The following HSF2BP variants were observed in gnomAD, a reference collection of about 807,000 sequenced individuals.
HSF2BP encodes the protein heat shock factor 2-binding protein.
Under a neutral mutation model 35.0 loss-of-function variants are expected in HSF2BP, and 35 were observed. The ratio of observed to expected loss-of-function variants is 1.00; its 90% CI spans 0.76 to 1.32. The LOEUF (loss-of-function observed/expected upper bound fraction) is 1.32. Ranked by LOEUF, HSF2BP falls within the 40% of genes most tolerant of loss-of-function variation. The probability of loss-of-function intolerance (pLI) is 0.00; values close to 1 mark genes in which losing one functional copy is unlikely to be tolerated. For missense variants in HSF2BP, 326 were observed against 321.7 expected, an observed-to-expected ratio of 1.01 and a Z score of -0.10; for synonymous variants, 114 against 117.4, an observed-to-expected ratio of 0.97 and a Z score of 0.18.
chr21:43,614,569 A>G (rs2082248272), intron 6 of HSF2BP, among the ~76,000 whole-genome samples: 1 of 152,078 alleles, frequency 6.6e-6, no homozygotes, highest in Non-Finnish European at 1.5e-5. Context: ...GGGTCCAAAC[A>G]TAAGGTGGGG....
chr21:43,606,640 G>A (rs2082138746), intron 7 of HSF2BP, among the ~76,000 whole-genome samples: 2 of 152,176 alleles, frequency 1.3e-5, no homozygotes, highest in African/African-American at 4.8e-5. Flanking sequence ...GAGAAAGGCA[G>A]GTGGCCTTGA....
chr21:43,578,788 T>C (rs1353566986), intron 8 of HSF2BP, among the ~76,000 whole-genome samples: 5 of 152,178 alleles, frequency 3.3e-5, no homozygotes, highest in African/African-American at 1.2e-4. Context: ...CCCTGTGCTG[T>C]TTCTGGGCTG....
At chr21:43,656,010 A>T (rs1228966902) in intron 3 of HSF2BP, among the ~76,000 whole-genome samples, 1 of 152,226 alleles carries the variant, frequency 6.6e-6, no homozygotes, top group Non-Finnish European at 1.5e-5. Context: ...GGCTGATTTA[A>T]TCATGATTTG....
chr21:43,637,098 G>A (rs562754311), intron 4 of HSF2BP, among the ~76,000 whole-genome samples: 49 of 151,776 alleles, frequency 3.2e-4, no homozygotes, highest in Non-Finnish European at 5.7e-4. Context: ...AGACCAGCCT[G>A]GCCAACATGG....
At chr21:43,637,942 G>A (rs2082586726) in intron 4 of HSF2BP, among the ~76,000 whole-genome samples, 4 of 152,202 alleles carry the variant, frequency 2.6e-5, no homozygotes, top group Non-Finnish European at 5.9e-5. Flanking sequence ...ACTTTCCCCT[G>A]AGATCAGGAA....
At chr21:43,579,865 A>G (rs973010792) in intron 8 of HSF2BP, among the ~76,000 whole-genome samples, 1 of 152,206 alleles carries the variant, frequency 6.6e-6, no homozygotes, top group Admixed American at 6.5e-5. Context: ...GTTCCACTCA[A>G]TTCTCACAGC....
At chr21:43,608,772 G>A (rs2082166467) in intron 7 of HSF2BP, among the ~76,000 whole-genome samples, 3 of 151,908 alleles carry the variant, frequency 2.0e-5, no homozygotes, top group Admixed American at 6.6e-5. Flanking sequence ...GACTATCCTG[G>A]GCAAGAAAGT....
At chr21:43,639,692 A>G (rs1255892527) in intron 4 of HSF2BP, among the ~76,000 whole-genome samples, 1 of 152,190 alleles carries the variant, frequency 6.6e-6, no homozygotes, top group African/African-American at 2.4e-5. Flanking sequence ...GTGGGACTCT[A>G]AAATGGTACA....
chr21:43,615,502 C>G (rs538557341), intron 6 of HSF2BP, among the ~76,000 whole-genome samples: 86 of 152,300 alleles, frequency 5.6e-4, no homozygotes, highest in Admixed American at 1.0e-3. Context: ...CTTTTGTTCA[C>G]CTGGTCTCAG....
chr21:43,630,321 C>A lies in HSF2BP; in HGVS notation c.574+1G>T, dbSNP rs1176877175. Reference sequence around the variant, plus strand: ...CATCTCTCAGGTGCGCCTGCACTTACTCGTGACAATTCCAGCCAGAGCGAA... The same window carrying A: ...CATCTCTCAGGTGCGCCTGCACTTAATCGTGACAATTCCAGCCAGAGCGAA... On this transcript the variant is annotated splice_donor_variant, in intron 6 of 8. Coordinates refer to ENST00000291560, the MANE Select transcript of HSF2BP (RefSeq NM_007031.2). LOFTEE classifies it high-confidence loss of function. 1 of 1,610,970 alleles carries A rather than the reference C, an allele frequency of 6.2e-7. No homozygotes were observed. The highest frequency in any genetic ancestry group is 8.5e-7 in the Non-Finnish European group (1 of 1,178,790).
At chr21:43,643,460 A>T (rs527872197) in intron 4 of HSF2BP, among the ~76,000 whole-genome samples, 1 of 152,224 alleles carries the variant, frequency 6.6e-6, no homozygotes, top group South Asian at 2.1e-4. Context: ...GGAATGGATT[A>T]GTTTCCCTGA....
At chr21:43,648,298 G>A (rs2082736561) in intron 3 of HSF2BP, among the ~76,000 whole-genome samples, 1 of 152,176 alleles carries the variant, frequency 6.6e-6, no homozygotes, top group African/African-American at 2.4e-5. Flanking sequence ...GGAAACTGGA[G>A]GACTAGAGAA....
chr21:43,658,909 C>A (rs1221511781), intron 1 of HSF2BP, among the ~76,000 whole-genome samples: 1 of 152,164 alleles, frequency 6.6e-6, no homozygotes, highest in East Asian at 1.9e-4. Context: ...CTCAACTCCA[C>A]CCGGGGGCCC....
chr21:43,656,585 A>G lies in HSF2BP; in HGVS notation c.187+2T>C, dbSNP rs184584234. On this transcript the variant is annotated splice_donor_variant, in intron 3 of 8. Transcript: ENST00000291560. LOFTEE classifies it high-confidence loss of function. ...CAATGACTGCTGAAAATGAAGACTC[A>G]CTTTTTTCTACAATCTTTAATTTCT... 5.9e-5 allele frequency: 95 copies of G among 1,606,008 alleles called. No homozygotes were observed. In the African/African-American group the frequency reaches 1.2e-3, roughly 19 times the overall value.
chr21:43,653,192 AAGGGAAGGGGAAGG>A (rs1428015290), intron 3 of HSF2BP, among the ~76,000 whole-genome samples: 1 of 15,888 alleles, frequency 6.3e-5, no homozygotes, highest in African/African-American at 3.7e-4. Flanking sequence ...AAGGGAAAGG[AAGGGAAGGGGAAGG>A]GAAGGGAAGG....
chr21:43,619,006 A>G (rs1305736997), intron 6 of HSF2BP, among the ~76,000 whole-genome samples: 1 of 151,924 alleles, frequency 6.6e-6, no homozygotes, highest in South Asian at 2.1e-4. Flanking sequence ...ATTTTTTTGA[A>G]TCTTACGCTG....
intron 3 of HSF2BP, among the ~76,000 whole-genome samples, chr21:43,650,088 G>A (rs34555122): frequency 0.057 from 8,658 of 152,200 alleles, 321 homozygotes; most frequent in Non-Finnish European, 0.081. Flanking sequence ...TGTTTTCATC[G>A]CACCACCTTC....
intron 5 of HSF2BP, among the ~76,000 whole-genome samples, chr21:43,631,131 C>T (rs2082450894): frequency 6.6e-6 from 1 of 152,220 alleles, no homozygotes; most frequent in Non-Finnish European, 1.5e-5. Flanking sequence ...TGTACATTTA[C>T]AATCTTACAG....
intron 2 of HSF2BP, 97 bp downstream of exon 2, chr21:43,657,964 A>ACAGCGAGCCGTCTC: frequency 6.6e-7 from 1 of 1,523,510 alleles, no homozygotes; most frequent in Non-Finnish European, 8.8e-7. Context: ...CAAGCACGCG[A>ACAGCGAGCCGTCTC]CAGCGAGCCG....
Sources: allele counts gnomAD v4.1 joint callset (sites outside exome capture counted in the v4.1 genomes callset), GRCh38; gene constraint gnomAD v4.1.1; transcripts MANE v1.5; gene names NCBI Gene and HGNC (gene_info 2026-07-23, HGNC 2026-07-21).